Variants in GALNT14 observed in about 807,000 individuals in gnomAD.
GALNT14 encodes the protein polypeptide N-acetylgalactosaminyltransferase 14.
GALNT14 carries 60 observed loss-of-function variants against 77.5 expected under a neutral mutation model. The ratio of observed to expected loss-of-function variants is 0.77; its 90% CI spans 0.63 to 0.96. GALNT14 has a LOEUF of 0.96. Ranked by LOEUF, GALNT14 falls within the 40% of genes least tolerant of loss-of-function variation. The pLI is 0.00. For missense variants in GALNT14, 710 were observed against 731.0 expected, an observed-to-expected ratio of 0.97 and a Z score of 0.33; for synonymous variants, 280 against 281.7, an observed-to-expected ratio of 0.99 and a Z score of 0.06.
At chr2:30,949,397 C>T (rs1390582954) in intron 6 of GALNT14, among the ~76,000 whole-genome samples, 3 of 152,088 alleles carry the variant, frequency 2.0e-5, no homozygotes, top group Admixed American at 1.3e-4. Context: ...ATTAAAGCAC[C>T]GAGGCACACT....
At chr2:31,127,144 A>G (rs1253178078) in intron 1 of GALNT14, among the ~76,000 whole-genome samples, 1 of 152,236 alleles carries the variant, frequency 6.6e-6, no homozygotes, top group Non-Finnish European at 1.5e-5. Flanking sequence ...CCCCCAATCA[A>G]GAAACTGAAC....
intron 1 of GALNT14, among the ~76,000 whole-genome samples, chr2:31,017,319 C>T (rs1302679247): frequency 6.6e-6 from 1 of 152,188 alleles, no homozygotes; most frequent in Non-Finnish European, 1.5e-5. Context: ...ATCTTCTGTT[C>T]CCTTGCCCAC....
chr2:31,035,985 C>G (rs368696437), intron 1 of GALNT14, among the ~76,000 whole-genome samples: 1 of 152,072 alleles, frequency 6.6e-6, no homozygotes, highest in Admixed American at 6.6e-5. Flanking sequence ...CATAACAAAT[C>G]TGCACATGTA....
At chr2:31,072,836 C>T (rs1037790693) in intron 1 of GALNT14, among the ~76,000 whole-genome samples, 7 of 152,190 alleles carry the variant, frequency 4.6e-5, no homozygotes, top group Non-Finnish European at 7.3e-5. Context: ...CTCTGCCTTG[C>T]TCTGGGCTTG....
At chr2:30,905,405 G>A in the GALNT14 span, among the ~76,000 whole-genome samples, 13 of 151,770 alleles carry the variant, frequency 8.6e-5, no homozygotes, top group East Asian at 1.4e-3. Flanking sequence ...CGAGAACTAC[G>A]TGAAGAATGC....
intron 1 of GALNT14, among the ~76,000 whole-genome samples, chr2:31,027,690 G>A (rs963704321): frequency 6.6e-6 from 1 of 152,050 alleles, no homozygotes; most frequent in African/African-American, 2.4e-5. Context: ...CTCATTATTC[G>A]TGCTTATGTT....
At chr2:31,132,956 C>T (rs887281311) in intron 1 of GALNT14, among the ~76,000 whole-genome samples, 5 of 152,132 alleles carry the variant, frequency 3.3e-5, no homozygotes, top group Admixed American at 2.0e-4. Context: ...GATCAGCTAG[C>T]GCCACCCAGA....
intron 1 of GALNT14, among the ~76,000 whole-genome samples, chr2:31,120,270 C>T (rs994299649): frequency 6.6e-6 from 1 of 152,080 alleles, no homozygotes; most frequent in Non-Finnish European, 1.5e-5. Context: ...ATCTCTCACT[C>T]TCCTTTTTAA....
At chr2:31,072,296 CACACACAT>C (rs879558509) in intron 1 of GALNT14, among the ~76,000 whole-genome samples, 8,925 of 65,650 alleles carry the variant, frequency 0.14, 322 homozygotes, top group African/African-American at 0.21. Context: ...CACACACACA[CACACACAT>C]ACACACACAC....
intron 1 of GALNT14, among the ~76,000 whole-genome samples, chr2:31,001,506 T>C (rs891407077): frequency 6.6e-6 from 1 of 152,150 alleles, no homozygotes; most frequent in Non-Finnish European, 1.5e-5. Flanking sequence ...GGGGACAAAG[T>C]GGTCCAGATC....
intron 2 of GALNT14, among the ~76,000 whole-genome samples, chr2:30,975,577 T>G (rs2148363191): frequency 6.6e-6 from 1 of 152,374 alleles, no homozygotes; most frequent in East Asian, 1.9e-4. Flanking sequence ...TTACTAAAAT[T>G]AATTTCACTT....
At chr2:30,905,570 C>T (rs1240847331), downstream of GALNT14, among the ~76,000 whole-genome samples, 1 of 151,896 alleles carries the variant, frequency 6.6e-6, no homozygotes, top group African/African-American at 2.4e-5. Context: ...GTGAAAAGAC[C>T]AAATCTATGT....
chr2:31,017,908 A>T (rs1396811603), intron 1 of GALNT14, among the ~76,000 whole-genome samples: 2 of 152,238 alleles, frequency 1.3e-5, no homozygotes, highest in Non-Finnish European at 1.5e-5. Flanking sequence ...GTTGTTCAAC[A>T]AGGGTGAGAT....
intron 9 of GALNT14, among the ~76,000 whole-genome samples, chr2:30,932,685 C>T (rs1665813082): frequency 6.6e-6 from 1 of 152,192 alleles, no homozygotes; most frequent in African/African-American, 2.4e-5. Context: ...TGTGAGAAGA[C>T]TCAGGACAGG....
At position 30,912,288 on chromosome 2, in the gene GALNT14, C is replaced by T. The variant is rs1664414689; in HGVS notation, c.1435G>A (p.Val479Ile). 2 of 1,614,072 alleles carry T rather than the reference C, an allele frequency of 1.2e-6. No individual in the cohort carries two copies. Among genetic ancestry groups the T allele is most frequent in the African/African-American group, 2.7e-5 (2 of 74,926 alleles). ...QILQEELCLS[V>I]ITLFPGAPVV... ...GGGGCGCCAGGGAACAAGGTGATGA[C>T]TGACAGGCACAGCTCCTCCTGGAGG... is the stretch of plus-strand genomic sequence containing the variant. Residue 479 changes from valine to isoleucine, a missense_variant, in exon 14 of 15, where the codon GTC becomes ATC. Transcript: ENST00000349752.
intron 1 of GALNT14, among the ~76,000 whole-genome samples, chr2:31,048,598 T>TCCTGCCTCCCCTGCCTCCCCTGCCTCC (rs371848141): frequency 8.8e-6 from 1 of 114,036 alleles, no homozygotes; most frequent in African/African-American, 3.4e-5. Flanking sequence ...CCACCCCCAC[T>TCCTGCCTCCCCTGCCTCCCCTGCCTCC]CCTGCCTCCC....
At chr2:30,968,097 G>C (rs564404178) in intron 2 of GALNT14, among the ~76,000 whole-genome samples, 8 of 152,306 alleles carry the variant, frequency 5.3e-5, no homozygotes, top group African/African-American at 1.9e-4. Context: ...TTTTCTCGCA[G>C]TTCTCGTGAT....
intron 3 of GALNT14, among the ~76,000 whole-genome samples, chr2:30,961,039 C>T (rs1340726384): frequency 6.6e-6 from 1 of 152,230 alleles, no homozygotes; most frequent in Non-Finnish European, 1.5e-5. Flanking sequence ...TATTGGCCCT[C>T]AAGGAGCCCC....
intron 9 of GALNT14, among the ~76,000 whole-genome samples, chr2:30,937,472 G>A (rs563504264): frequency 1.3e-5 from 2 of 152,302 alleles, no homozygotes; most frequent in Non-Finnish European, 2.9e-5. Flanking sequence ...GCCCATTCAG[G>A]TTGTTTGCAG....
Sources: gnomAD v4.1 joint callset for allele counts (sites outside exome capture counted in the v4.1 genomes callset) on GRCh38, gnomAD v4.1.1 for gene constraint, MANE v1.5 for transcripts, NCBI Gene and HGNC (gene_info 2026-07-23, HGNC 2026-07-21) for gene names.